The following CCDC150 variants were observed in gnomAD, a reference collection of about 807,000 sequenced individuals.
CCDC150 encodes coiled-coil domain-containing protein 150.
Under a neutral mutation model 156.5 loss-of-function variants are expected in CCDC150, and 151 were observed. That is an observed-to-expected ratio of 0.97 (90% CI 0.85 to 1.10). The LOEUF (loss-of-function observed/expected upper bound fraction) is 1.10, where lower values mean the gene tolerates loss of function less well. CCDC150 is among the 50% of genes least tolerant of loss of function. The probability of loss-of-function intolerance (pLI) is 0.00; values close to 1 mark genes in which losing one functional copy is unlikely to be tolerated. For synonymous variants in CCDC150, 452 were observed against 429.4 expected, an observed-to-expected ratio of 1.05 and a Z score of -0.65; for missense variants, 1,312 against 1,268.1, an observed-to-expected ratio of 1.03 and a Z score of -0.53.
chr2:196,698,591 G>A (rs1341974482), intron 14 of CCDC150, among the ~76,000 whole-genome samples: 1 of 152,116 alleles, frequency 6.6e-6, no homozygotes, highest in African/African-American at 2.4e-5. Context: ...GCATATTTTA[G>A]GTTAACTCTA....
intron 12 of CCDC150, 49 bp from the exon 13 acceptor site, chr2:196,677,244 C>G: frequency 8.3e-7 from 1 of 1,200,978 alleles, no homozygotes; most frequent in Non-Finnish European, 1.2e-6. Flanking sequence ...AGCCTGTCAG[C>G]TGCTATAAAA....
intron 9 of CCDC150, among the ~76,000 whole-genome samples, chr2:196,673,455 A>G (rs1420313906): frequency 6.6e-6 from 1 of 152,154 alleles, no homozygotes; most frequent in Non-Finnish European, 1.5e-5. Context: ...TGTGACTTTA[A>G]GCCCCTGAAT....
At chr2:196,710,827 T>C (rs1697060816) in intron 15 of CCDC150, among the ~76,000 whole-genome samples, 2 of 152,176 alleles carry the variant, frequency 1.3e-5, no homozygotes, top group South Asian at 2.1e-4. Flanking sequence ...GGAGATTTGG[T>C]TGGGATAGGC....
intron 17 of CCDC150, chr2:196,713,644 A>C (rs1697293305): frequency 7.0e-7 from 1 of 1,433,006 alleles, no homozygotes; most frequent in Non-Finnish European, 9.2e-7. Context: ...CAAGACCTTT[A>C]ATAAATGATG....
At chr2:196,667,991 C>G (rs760386036) in intron 7 of CCDC150, 2 of 152,140 alleles carry the variant, frequency 1.3e-5, no homozygotes, top group Non-Finnish European at 2.9e-5. Context: ...TAAGAAAATA[C>G]ACACATTCTA....
In CCDC150 at chr2:196,677,298, T is replaced by C. The variant is rs551306958; in HGVS notation, c.1446T>C (p.Asn482=). ...TTCCCATCCTCCTTGGGCAGGTTAA[T>C]AAAACAGAAAAAGAAATAGTGCAAG... ...EEKERFQREV[N]KTEKEIVQER... Residue 482 remains asparagine, a synonymous_variant, in exon 13 of 28, where the codon AAT becomes AAC. Transcript: ENST00000389175. 5.3e-5 allele frequency: 83 copies of C among 1,566,908 alleles called. 2 individuals carry two copies. In the South Asian group the frequency reaches 9.8e-4, roughly 18 times the overall value.
chr2:196,686,189 G>A, intron 13 of CCDC150: 1 of 297,384 alleles, frequency 3.4e-6, no homozygotes, highest in Admixed American at 3.9e-5. Flanking sequence ...CTGCTGGAAT[G>A]CTTACACCTG....
intron 25 of CCDC150, 22 bp downstream of exon 25, chr2:196,730,140 A>G: frequency 6.4e-7 from 1 of 1,570,996 alleles, no homozygotes. Flanking sequence ...CCTAAGATTC[A>G]TCTTAAAGAT....
At position 196,641,198 on chromosome 2, in the gene CCDC150, C is replaced by T. The variant is rs371206698; in HGVS notation, c.12+1420C>T. Among the ~76,000 whole-genome samples, 4 of 152,114 alleles carry T rather than the reference C, an allele frequency of 2.6e-5. No homozygotes were observed. In the East Asian group the frequency reaches 5.8e-4, roughly 22 times the overall value. ...TTCGCCGTGTTAGCCAGGATGGTCT[C>T]GATCTCCTGACCTCTTGATCTGCCC... On this transcript the variant is annotated intron_variant, in intron 1 of 27. Coordinates refer to ENST00000389175, the MANE Select transcript of CCDC150 (RefSeq NM_001080539.2).
chr2:196,690,674 T>C (rs1202239646), intron 13 of CCDC150, among the ~76,000 whole-genome samples: 1 of 152,176 alleles, frequency 6.6e-6, no homozygotes, highest in Non-Finnish European at 1.5e-5. Context: ...ACTTCCTCTT[T>C]TTCTATTTGA....
intron 2 of CCDC150, among the ~76,000 whole-genome samples, chr2:196,648,939 A>G (rs575702219): frequency 6.6e-6 from 1 of 152,122 alleles, no homozygotes; most frequent in African/African-American, 2.4e-5. Context: ...TGGAAAATCA[A>G]TTGACCATAA....
chr2:196,678,455 T>C (rs1694634842), intron 13 of CCDC150, among the ~76,000 whole-genome samples: 1 of 152,166 alleles, frequency 6.6e-6, no homozygotes, highest in Non-Finnish European at 1.5e-5. Flanking sequence ...CTGGTTCTAG[T>C]GATATGAAAA....
At chr2:196,720,317 TA>T in intron 19 of CCDC150, 1 of 426,110 alleles carries the variant, frequency 2.3e-6, no homozygotes, top group Non-Finnish European at 4.4e-6. Context: ...TTTGCATTTT[TA>T]AAAGGTCAAG....
In CCDC150 at chr2:196,695,038, C is replaced by T; in HGVS notation, c.1510-8C>T. The T allele has an allele frequency of 6.8e-7, 1 of 1,465,618 alleles. No individual in the cohort carries two copies. Among genetic ancestry groups the T allele is most frequent in the Non-Finnish European group, 9.4e-7 (1 of 1,064,330 alleles). 90.8% of individuals were successfully genotyped at this position (1,465,618 alleles called of 1,614,324 possible). On this transcript the variant is annotated splice_region_variant and splice_polypyrimidine_tract_variant and intron_variant, in intron 13 of 27. Coordinates refer to ENST00000389175, the MANE Select transcript of CCDC150 (RefSeq NM_001080539.2). ...AATAGTTTCTTTTTTACTTTTGTTT[C>T]TTTAAAGGTAGACATAAATACATTA... is the stretch of plus-strand genomic sequence containing the variant.
chr2:196,681,144 T>A (rs769783946), intron 13 of CCDC150, among the ~76,000 whole-genome samples: 1 of 152,210 alleles, frequency 6.6e-6, no homozygotes, highest in Non-Finnish European at 1.5e-5. Flanking sequence ...TGACAACAAC[T>A]AGTTGACATT....
intron 10 of CCDC150, among the ~76,000 whole-genome samples, chr2:196,675,796 A>C (rs900229627): frequency 1.3e-5 from 2 of 152,176 alleles, no homozygotes; most frequent in Admixed American, 1.3e-4. Flanking sequence ...ACTTTTAAAA[A>C]TAAAGTACCA....
intron 4 of CCDC150, chr2:196,657,573 C>G (rs760159864): frequency 1.8e-5 from 3 of 171,274 alleles, no homozygotes; most frequent in African/African-American, 4.8e-5. Context: ...TGAGGATGCT[C>G]TATCTAGAAT....
intron 15 of CCDC150, among the ~76,000 whole-genome samples, chr2:196,702,289 G>A (rs1303514421): frequency 6.6e-6 from 1 of 151,454 alleles, no homozygotes; most frequent in Non-Finnish European, 1.5e-5. Context: ...GACTAGAAAG[G>A]CATTCCAGAG....
At chr2:196,649,837 A>G (rs191097166) in intron 2 of CCDC150, among the ~76,000 whole-genome samples, 1 of 152,224 alleles carries the variant, frequency 6.6e-6, no homozygotes, top group Admixed American at 6.5e-5. Flanking sequence ...TGATTTTTGT[A>G]TGTTGATTTT....
Sources: gnomAD v4.1 joint callset for allele counts (sites outside exome capture counted in the v4.1 genomes callset) on GRCh38, gnomAD v4.1.1 for gene constraint, MANE v1.5 for transcripts, NCBI Gene and HGNC (gene_info 2026-07-23, HGNC 2026-07-21) for gene names.